The following TTC34 variants were observed in gnomAD, a reference collection of about 807,000 sequenced individuals.
TTC34 encodes the protein tetratricopeptide repeat domain 34.
A neutral mutation model predicts 40.7 loss-of-function variants in TTC34; 44 were observed. The ratio of observed to expected loss-of-function variants is 1.08; its 90% CI spans 0.85 to 1.39. The LOEUF (loss-of-function observed/expected upper bound fraction) is 1.39, where lower values mean the gene tolerates loss of function less well. Ranked by LOEUF, TTC34 falls within the 40% of genes most tolerant of loss-of-function variation. The pLI, the probability that TTC34 is intolerant of heterozygous loss-of-function variation, is 0.00. For missense variants in TTC34, 884 were observed against 838.0 expected (o/e 1.05, Z -0.68); for synonymous variants, 422 against 398.6 (o/e 1.06, Z -0.70).
chr1:2,792,033 T>TTA (rs1553171534), intron 2 of TTC34, among the ~76,000 whole-genome samples: 1,570 of 107,146 alleles, frequency 0.015, 264 homozygotes, highest in African/African-American at 0.055. Context: ...TTTTTTTTTT[T>TTA]AAAGACAGGG....
intron 2 of TTC34, among the ~76,000 whole-genome samples, chr1:2,792,633 G>C (rs567924694): frequency 1.3e-5 from 2 of 152,298 alleles, no homozygotes; most frequent in African/African-American, 4.8e-5. Context: ...AGCTTCCAGT[G>C]CCTGTTCTTT....
intron 6 of TTC34, among the ~76,000 whole-genome samples, chr1:2,650,785 C>G (rs974002047): frequency 6.6e-6 from 1 of 150,796 alleles, no homozygotes; most frequent in East Asian, 2.0e-4. Context: ...AGCTCTCCCC[C>G]ATGCAAGGTG....
intron 3 of TTC34, among the ~76,000 whole-genome samples, chr1:2,789,105 A>C (rs558084448): frequency 1.3e-5 from 2 of 152,130 alleles, no homozygotes; most frequent in Admixed American, 6.5e-5. Context: ...ACAAAACAAA[A>C]CAAACCAACC....
chr1:2,755,073 A>AT (rs1641460789), intron 6 of TTC34, among the ~76,000 whole-genome samples: 2 of 64,430 alleles, frequency 3.1e-5, no homozygotes, highest in African/African-American at 1.4e-4. Context: ...CCAGGTGCGC[A>AT]CGTGACAGCC....
intron 6 of TTC34, among the ~76,000 whole-genome samples, chr1:2,700,130 C>CA (rs1325490120): frequency 8.6e-6 from 1 of 116,260 alleles, no homozygotes. Flanking sequence ...GCAGCATCCT[C>CA]ACCCCAGGTG....
intron 5 of TTC34, among the ~76,000 whole-genome samples, chr1:2,784,510 G>A (rs1643546394): frequency 6.6e-6 from 1 of 152,084 alleles, no homozygotes; most frequent in African/African-American, 2.4e-5. Context: ...ACTCCTCCAA[G>A]TAAAGGAGAC....
intron 6 of TTC34, among the ~76,000 whole-genome samples, chr1:2,780,185 AT>A (rs1457748041): frequency 6.6e-6 from 1 of 152,192 alleles, no homozygotes; most frequent in Non-Finnish European, 1.5e-5. Context: ...CTGGGTAATA[AT>A]TCCTTATCAG....
intron 2 of TTC34, among the ~76,000 whole-genome samples, chr1:2,795,492 A>G (rs60002840): frequency 0.017 from 2,574 of 152,100 alleles, 58 homozygotes; most frequent in African/African-American, 0.058. Context: ...GCTTCCTTAC[A>G]TGGCCCTGGG....
At chr1:2,653,989 A>C (rs1350990168) in intron 6 of TTC34, among the ~76,000 whole-genome samples, 3 of 151,208 alleles carry the variant, frequency 2.0e-5, no homozygotes, top group African/African-American at 7.3e-5. Context: ...AGCATCGGAG[A>C]GTCTGGAGCA....
chr1:2,639,186 T>C (rs1268316985), exon 9 of TTC34: 1 of 152,238 alleles, frequency 6.6e-6, no homozygotes, highest in African/African-American at 2.4e-5. Context: ...AATGCAGACA[T>C]TCAGAGCCCA....
At chr1:2,675,357 CA>C (rs1639867298) in intron 6 of TTC34, among the ~76,000 whole-genome samples, 1 of 128,670 alleles carries the variant, frequency 7.8e-6, no homozygotes, top group Admixed American at 7.9e-5. Flanking sequence ...GAACAGCACC[CA>C]CACGCCCAGG....
intron 6 of TTC34, among the ~76,000 whole-genome samples, chr1:2,760,520 CA>C (rs1641660197): frequency 1.9e-5 from 1 of 51,392 alleles, no homozygotes; most frequent in Admixed American, 2.2e-4. Flanking sequence ...GAGCAGCACC[CA>C]CACCCCCAGG....
rs1372918659 is a variant in TTC34 at position 2,683,719 on chromosome 1, G to T, written c.2227-38156C>A. Among the ~76,000 whole-genome samples, 31 of 151,286 alleles carry T rather than the reference G, an allele frequency of 2.0e-4. 1 individual carries two copies. Among genetic ancestry groups the T allele is most frequent in the African/African-American group, 7.6e-4 (31 of 40,832 alleles). The stretch of plus-strand genomic sequence containing the variant: ...GCCTGGAACAGCACCCACACCCCCA[G>T]GTGAGCAGCTGATATCCTGGAACAG... On this transcript the variant is annotated intron_variant, in intron 6 of 8. Coordinates refer to ENST00000401095, the Ensembl canonical transcript of TTC34.
chr1:2,677,644 C>T (rs113434229), intron 6 of TTC34, among the ~76,000 whole-genome samples: 28 of 142,382 alleles, frequency 2.0e-4, no homozygotes, highest in South Asian at 4.5e-4. Context: ...TGGAACAGCA[C>T]ACACACCCCC....
At position 2,751,607 on chromosome 1, in the gene TTC34, C is replaced by A. The variant is rs1297192613; in HGVS notation, c.2226+32002G>T. 1.1e-4 allele frequency among the ~76,000 whole-genome samples: 13 copies of A among 116,154 alleles called. 3 individuals are homozygous for A. Among genetic ancestry groups the A allele is most frequent in the African/African-American group, 3.7e-4 (10 of 27,136 alleles). 76.2% of individuals were successfully genotyped at this position (116,154 alleles called of 152,430 possible). A position where few individuals can be genotyped will look rare whatever the true frequency, so the allele number is the denominator to read the frequency against. On this transcript the variant is annotated intron_variant, in intron 6 of 8. Coordinates refer to ENST00000401095, the Ensembl canonical transcript of TTC34. ...GTGACAGCCTGCAACAGCACCCACA[C>A]CCCCAGGCGAGCATCTGACGGCCTG...
chr1:2,645,576 A>AGG lies in TTC34; in HGVS notation c.2227-15_2227-14dup. The AGG allele has an allele frequency of 8.6e-5, 2 of 23,298 alleles. No homozygotes were observed. The highest frequency in any genetic ancestry group is 2.6e-4 in the South Asian group (1 of 3,860). 1.4% of individuals were successfully genotyped at this position (23,298 alleles called of 1,614,324 possible). On this transcript the variant is annotated splice_polypyrimidine_tract_variant and intron_variant, in intron 6 of 8. Coordinates refer to ENST00000401095, the Ensembl canonical transcript of TTC34. This position sits in a 1 kb window ranked among gnomAD's most constrained non-coding sequence, Gnocchi z 4.7. The stretch of plus-strand genomic sequence containing the variant: ...CGTCCACGGCTTCCTGCAAGGAGGG[A>AGG]GGGCGGGCGGGTGCAGAGTTGTCCT...
intron 6 of TTC34, among the ~76,000 whole-genome samples, chr1:2,782,547 T>G (rs1643502155): frequency 6.6e-6 from 1 of 152,138 alleles, no homozygotes; most frequent in Non-Finnish European, 1.5e-5. Context: ...CATGTGTTCT[T>G]TTTCTAGTTT....
intron 6 of TTC34, among the ~76,000 whole-genome samples, chr1:2,691,597 C>A (rs1031764482): frequency 8.2e-6 from 1 of 121,526 alleles, no homozygotes; most frequent in Non-Finnish European, 1.8e-5. Context: ...AGGTGAGACC[C>A]TGACAGCCTG....
At chr1:2,749,635 C>A (rs1197340667) in intron 6 of TTC34, among the ~76,000 whole-genome samples, 4 of 110,146 alleles carry the variant, frequency 3.6e-5, no homozygotes, top group East Asian at 2.7e-4. Context: ...TCTGGAGCAG[C>A]CCCCACACCC....
Sources: gnomAD v4.1 joint callset for allele counts (sites outside exome capture counted in the v4.1 genomes callset) on GRCh38, gnomAD v4.1.1 for gene constraint, Gnocchi (gnomAD v3.1) non-coding constraint, MANE v1.5 for transcripts, NCBI Gene and HGNC (gene_info 2026-07-23, HGNC 2026-07-21) for gene names.